The following PLEKHA1 variants were observed in gnomAD, a reference collection of about 807,000 sequenced individuals.
PLEKHA1 encodes the protein pleckstrin homology domain containing A1.
PLEKHA1 carries 34 observed loss-of-function variants against 52.0 expected under a neutral mutation model. The ratio of observed to expected loss-of-function variants is 0.65; its 90% CI spans 0.50 to 0.87. The LOEUF (loss-of-function observed/expected upper bound fraction) is 0.87, where lower values mean the gene tolerates loss of function less well. PLEKHA1 is among the 40% of genes least tolerant of loss of function. The pLI, the probability that PLEKHA1 is intolerant of heterozygous loss-of-function variation, is 0.00. For missense variants in PLEKHA1, 497 were observed against 504.2 expected, an observed-to-expected ratio of 0.99 and a Z score of 0.14; for synonymous variants, 163 against 170.7, an observed-to-expected ratio of 0.95 and a Z score of 0.35.
At chr10:122,385,739 A>G (rs1377722382) in intron 1 of PLEKHA1, among the ~76,000 whole-genome samples, 5 of 152,132 alleles carry the variant, frequency 3.3e-5, no homozygotes, top group African/African-American at 4.8e-5. Context: ...TCTATGTCCC[A>G]TATCCTTTTT....
At position 122,393,673 on chromosome 10, in the gene PLEKHA1, A is replaced by G. The variant is rs1035229661; in HGVS notation, c.141+332A>G. Among the ~76,000 whole-genome samples, 2 of 152,242 alleles carry G rather than the reference A, an allele frequency of 1.3e-5. No homozygotes were observed. Among genetic ancestry groups the G allele is most frequent in the Non-Finnish European group, 2.9e-5 (2 of 68,048 alleles). On this transcript the variant is annotated intron_variant, in intron 2 of 11. Coordinates refer to ENST00000368990, the MANE Select transcript of PLEKHA1 (RefSeq NM_001001974.4). The surrounding 1 kb of genome is among the most constrained non-coding windows in gnomAD (Gnocchi z 4.5). ...ATTGAAGCTGTCCCAAAAATAAGAAATACTTTTTTTGTAACATGTATTTCA... is the reference window on the plus strand; with the variant it reads ...ATTGAAGCTGTCCCAAAAATAAGAAGTACTTTTTTTGTAACATGTATTTCA...
chr10:122,429,101 A>G (rs2097383588), intron 11 of PLEKHA1, among the ~76,000 whole-genome samples: 1 of 152,226 alleles, frequency 6.6e-6, no homozygotes, highest in African/African-American at 2.4e-5. Context: ...GGAAGTAAAA[A>G]CTAAGTCTTA....
intron 5 of PLEKHA1, among the ~76,000 whole-genome samples, chr10:122,407,817 A>G (rs1415994476): frequency 1.3e-5 from 2 of 152,250 alleles, no homozygotes; most frequent in African/African-American, 2.4e-5. Flanking sequence ...CTTATTCTCA[A>G]AGAACATGTG....
chr10:122,381,877 T>C (rs570559508), intron 1 of PLEKHA1, among the ~76,000 whole-genome samples: 1 of 152,276 alleles, frequency 6.6e-6, no homozygotes, highest in South Asian at 2.1e-4. Flanking sequence ...AACCGTAGAA[T>C]AGGCAGTTGT....
Position 122,389,702 on chromosome 10 carries a change from T to C in PLEKHA1, c.-20-3479T>C, listed in dbSNP as rs144368375. Among the ~76,000 whole-genome samples, 1,344 of 152,106 alleles carry C rather than the reference T, an allele frequency of 8.8e-3. 19 individuals carry two copies. Among genetic ancestry groups the C allele is most frequent in the African/African-American group, 0.03 (1,254 of 41,488 alleles). On this transcript the variant is annotated intron_variant, in intron 1 of 11. Coordinates refer to ENST00000368990, the MANE Select transcript of PLEKHA1 (RefSeq NM_001001974.4). ...TAGCCTGGGTGACAGCAAGACTCCA[T>C]CTCAAAAAAAAAATTTTTTTTTCAG...
At chr10:122,429,544 T>C in intron 11 of PLEKHA1, 80 bp from the exon 12 acceptor site, 1 of 1,266,102 alleles carries the variant, frequency 7.9e-7, no homozygotes, top group Non-Finnish European at 1.1e-6. Context: ...TATTTGTTTT[T>C]CAGAGAATCA....
intron 8 of PLEKHA1, chr10:122,422,008 G>C (rs2097266955): frequency 6.6e-6 from 1 of 152,172 alleles, no homozygotes; most frequent in Admixed American, 6.6e-5. Context: ...GTGGCTCAGA[G>C]AATGAATGGA....
At chr10:122,409,540 C>T (rs1440355977) in intron 5 of PLEKHA1, among the ~76,000 whole-genome samples, 1 of 152,126 alleles carries the variant, frequency 6.6e-6, no homozygotes, top group Admixed American at 6.5e-5. Flanking sequence ...TATTCCTGAA[C>T]AGAGATCCAT....
chr10:122,376,530 ATAT>A (rs1230051206), intron 1 of PLEKHA1, among the ~76,000 whole-genome samples: 7 of 130,426 alleles, frequency 5.4e-5, no homozygotes, highest in African/African-American at 2.1e-4. Flanking sequence ...ATATATATAT[ATAT>A]AATATAAATA....
intron 1 of PLEKHA1, among the ~76,000 whole-genome samples, chr10:122,384,592 G>A (rs1565126895): frequency 7.7e-6 from 1 of 129,526 alleles, no homozygotes; most frequent in Non-Finnish European, 1.6e-5. Context: ...CTGGGTGACA[G>A]AGCGAGACTC....
At chr10:122,400,510 C>G in intron 4 of PLEKHA1, 122 bp downstream of exon 4, 1 of 838,758 alleles carries the variant, frequency 1.2e-6, no homozygotes, top group South Asian at 1.9e-5. Context: ...AAAGTGAATT[C>G]CCTTGTAACT....
chr10:122,428,411 A>C lies in PLEKHA1; in HGVS notation c.901-1213A>C. On this transcript the variant is annotated intron_variant, in intron 11 of 11. Coordinates refer to ENST00000368990, the MANE Select transcript of PLEKHA1 (RefSeq NM_001001974.4). ...GGCCCAGACTTACTACTTACAACTG[A>C]TCATAGAAAGTTGAGTTAACCAAAC... The C allele has an allele frequency of 2.7e-6, 4 of 1,468,628 alleles. No homozygotes were observed. In the South Asian group the frequency reaches 5.7e-5, roughly 21 times the overall value. 91.0% of individuals were successfully genotyped at this position (1,468,628 alleles called of 1,614,324 possible).
At chr10:122,421,033 G>T (rs1406525762) in intron 8 of PLEKHA1, 1 of 152,170 alleles carries the variant, frequency 6.6e-6, no homozygotes, top group Non-Finnish European at 1.5e-5. Flanking sequence ...GTATGATGAG[G>T]AATGAAATAT....
chr10:122,395,419 C>G (rs2134081088), intron 2 of PLEKHA1, among the ~76,000 whole-genome samples: 1 of 152,162 alleles, frequency 6.6e-6, no homozygotes, highest in Middle Eastern at 3.4e-3. Flanking sequence ...ATGTAATAAT[C>G]AAGACATACC....
chr10:122,424,868 A>G (rs1051704544), intron 9 of PLEKHA1, 28 bp from the exon 10 acceptor site: 4 of 1,581,440 alleles, frequency 2.5e-6, no homozygotes, highest in Non-Finnish European at 3.5e-6. Context: ...CTGCTATTTA[A>G]GTATAATTGG....
chr10:122,390,872 A>G (rs369164261), intron 1 of PLEKHA1, among the ~76,000 whole-genome samples: 1 of 152,120 alleles, frequency 6.6e-6, no homozygotes, highest in African/African-American at 2.4e-5. Context: ...GAGCTGCCAA[A>G]TTGTTTTACA....
At chr10:122,413,163 A>C in intron 6 of PLEKHA1, 118 bp downstream of exon 6, 4 of 908,848 alleles carry the variant, frequency 4.4e-6, no homozygotes, top group Non-Finnish European at 6.0e-6. Flanking sequence ...TTACTATAAA[A>C]TATTTTTGTT....
At chr10:122,384,315 A>G (rs185894200) in intron 1 of PLEKHA1, among the ~76,000 whole-genome samples, 49 of 152,342 alleles carry the variant, frequency 3.2e-4, no homozygotes, top group African/African-American at 1.2e-3. Context: ...AAGCTTTTAA[A>G]AAACTTTATT....
intron 1 of PLEKHA1, among the ~76,000 whole-genome samples, chr10:122,383,118 T>C (rs910679519): frequency 1.3e-5 from 2 of 152,152 alleles, no homozygotes; most frequent in African/African-American, 4.8e-5. Flanking sequence ...AAAACTTTTC[T>C]ATTATGGAGA....
Sources: allele counts gnomAD v4.1 joint callset (sites outside exome capture counted in the v4.1 genomes callset), GRCh38; gene constraint gnomAD v4.1.1; non-coding constraint Gnocchi (gnomAD v3.1); transcripts MANE v1.5; gene names NCBI Gene and HGNC (gene_info 2026-07-23, HGNC 2026-07-21).